Variants in RORA observed in about 807,000 individuals in gnomAD.
RORA encodes RAR related orphan receptor A, also known as nuclear receptor ROR-alpha.
A neutral mutation model predicts 69.5 loss-of-function variants in RORA; 7 were observed. The ratio of observed to expected loss-of-function variants is 0.10; its 90% CI spans 0.06 to 0.19. RORA has a LOEUF of 0.19. Ranked by LOEUF, RORA falls within the 10% of genes least tolerant of loss-of-function variation. The pLI, the probability that RORA is intolerant of heterozygous loss-of-function variation, is 1.00. For synonymous variants in RORA, 261 were observed against 240.8 expected (o/e 1.08, Z -0.78); for missense variants, 457 against 663.0 (o/e 0.69, Z 3.41).
chr15:60,699,321 T>C lies in RORA; in HGVS notation c.167-20635A>G, dbSNP rs2070949525. Among the ~76,000 whole-genome samples, 3 of 152,312 alleles carry C rather than the reference T, an allele frequency of 2.0e-5. No individual in the cohort carries two copies. In the South Asian group the frequency reaches 6.2e-4, roughly 32 times the overall value. On this transcript the variant is annotated intron_variant, in intron 1 of 10. Coordinates refer to ENST00000335670, the MANE Select transcript of RORA (RefSeq NM_134261.3). ...TTTATGTTTAATTTAAAAATTCAAA[T>C]AAAATTATCTAAATATACTTTTTTC...
At chr15:60,514,549 A>T in intron 4 of RORA, 67 bp downstream of exon 4, 1 of 1,507,046 alleles carries the variant, frequency 6.6e-7, no homozygotes, top group Non-Finnish European at 9.2e-7. Context: ...GGCAGATCTG[A>T]GTCCAGGTTT....
rs1445393192 is a variant in RORA, at chr15:60,852,030, C to T, written c.167-173344G>A. ...ACTGAGCGAGCTGGGGAACAAGCAA[C>T]ACTATTGTGACTTTTTCCAATTTCA... On this transcript the variant is annotated intron_variant, in intron 1 of 10. Coordinates refer to ENST00000335670, the MANE Select transcript of RORA (RefSeq NM_134261.3). 3.3e-5 allele frequency among the ~76,000 whole-genome samples: 5 copies of T among 152,188 alleles called. 1 individual carries two copies. Among genetic ancestry groups the T allele is most frequent in the Admixed American group, 2.0e-4 (3 of 15,280 alleles).
intron 1 of RORA, among the ~76,000 whole-genome samples, chr15:60,761,761 T>C (rs2071896653): frequency 6.6e-6 from 1 of 152,152 alleles, no homozygotes; most frequent in Admixed American, 6.5e-5. Flanking sequence ...TATATGAGAA[T>C]TTTGGTCTGA....
At chr15:61,010,128 T>G (rs2140393062) in intron 1 of RORA, among the ~76,000 whole-genome samples, 1 of 152,336 alleles carries the variant, frequency 6.6e-6, no homozygotes, top group Non-Finnish European at 1.5e-5. Flanking sequence ...TAACTATTCC[T>G]TGTCAGATGG....
At chr15:60,887,804 G>A (rs948495277) in intron 1 of RORA, among the ~76,000 whole-genome samples, 2 of 152,092 alleles carry the variant, frequency 1.3e-5, no homozygotes, top group African/African-American at 4.8e-5. Flanking sequence ...ACCTTGCTGC[G>A]GGCATCAGCA....
chr15:60,728,069 C>T (rs546696310), intron 1 of RORA, among the ~76,000 whole-genome samples: 38 of 152,278 alleles, frequency 2.5e-4, no homozygotes, highest in African/African-American at 7.7e-4. Context: ...ATCAAAAGAA[C>T]GAATGCCAAA....
At position 61,173,757 on chromosome 15, in the gene RORA, G is replaced by C. The variant is rs545193883; in HGVS notation, c.166+55296C>G. On this transcript the variant is annotated intron_variant, in intron 1 of 10. Coordinates refer to ENST00000335670, the MANE Select transcript of RORA (RefSeq NM_134261.3). The stretch of plus-strand genomic sequence containing the variant: ...TGCGACCTCAACCTCCCAGATTCAA[G>C]AGATCCTCACACCTCAGCCTCCCGA... Among the ~76,000 whole-genome samples, 3 of 152,326 alleles carry C rather than the reference G, an allele frequency of 2.0e-5. No homozygotes were observed. The South Asian group carries it at 6.2e-4, about 32-fold the overall frequency.
chr15:60,645,357 G>GA (rs199650107), intron 2 of RORA, among the ~76,000 whole-genome samples: 5 of 148,446 alleles, frequency 3.4e-5, no homozygotes, highest in East Asian at 3.9e-4. Flanking sequence ...TGGCTATGAT[G>GA]AAAAAAAAAT....
Position 60,678,658 on chromosome 15 carries a change from T to C in RORA, c.195A>G (p.Thr65=). 2.5e-6 allele frequency: 4 copies of C among 1,611,260 alleles called. No individual in the cohort carries two copies. The highest frequency in any genetic ancestry group is 2.2e-5 in the East Asian group (1 of 44,860). The change falls in exon 2 of 11, where the codon ACA becomes ACG. Residue 65 remains threonine, a splice_region_variant and synonymous_variant. Coordinates refer to ENST00000335670, the MANE Select transcript of RORA (RefSeq NM_134261.3). The part of the protein sequence containing the change: ...RGISVTKKTH[T]SQIEIIPCKI... ...ACAGAAAAAAAATGCATTACTTACA[T>C]GTATGTGTCTTCTTCGTTACTGAGA...
chr15:60,845,036 A>AGTGTGTGT (rs3053882), intron 1 of RORA, among the ~76,000 whole-genome samples: 2 of 151,232 alleles, frequency 1.3e-5, no homozygotes, highest in East Asian at 3.9e-4. Flanking sequence ...CCAGTGTGTG[A>AGTGTGTGT]GTGTGTGTGT....
chr15:61,072,496 C>G (rs971858394), intron 1 of RORA, among the ~76,000 whole-genome samples: 1 of 152,054 alleles, frequency 6.6e-6, no homozygotes, highest in African/African-American at 2.4e-5. Context: ...ATCATCTGTC[C>G]CAAGAACTAC....
intron 1 of RORA, among the ~76,000 whole-genome samples, chr15:61,209,693 A>C (rs1284334226): frequency 6.6e-6 from 1 of 152,220 alleles, no homozygotes; most frequent in Non-Finnish European, 1.5e-5. Context: ...AAGACAGCCA[A>C]ATACTTTACT....
chr15:60,717,721 G>A (rs529716731), intron 1 of RORA, among the ~76,000 whole-genome samples: 1 of 151,422 alleles, frequency 6.6e-6, no homozygotes, highest in South Asian at 2.1e-4. Flanking sequence ...TCCCAGATTA[G>A]CTAGAGTTTA....
intron 1 of RORA, among the ~76,000 whole-genome samples, chr15:60,922,420 G>T (rs999215238): frequency 3.9e-5 from 6 of 152,156 alleles, no homozygotes; most frequent in Non-Finnish European, 8.8e-5. Context: ...GGGGTATGTG[G>T]AAGCTCTTTG....
chr15:60,588,625 T>G (rs180932038), intron 2 of RORA, among the ~76,000 whole-genome samples: 86 of 152,338 alleles, frequency 5.6e-4, no homozygotes, highest in African/African-American at 1.9e-3. Context: ...GTGTCTCACT[T>G]GAGTGGGAGG....
At chr15:60,878,549 C>T (rs968434257) in intron 1 of RORA, among the ~76,000 whole-genome samples, 2 of 152,106 alleles carry the variant, frequency 1.3e-5, no homozygotes, top group African/African-American at 4.8e-5. Flanking sequence ...TTTTGAGGCT[C>T]CGCCTGCTCG....
intron 1 of RORA, among the ~76,000 whole-genome samples, chr15:60,727,475 G>C (rs899193098): frequency 6.6e-5 from 10 of 152,218 alleles, no homozygotes; most frequent in African/African-American, 2.2e-4. Context: ...TCCACAATAA[G>C]AGCCTCACAT....
At position 60,497,520 on chromosome 15, in the gene RORA, A is replaced by G. The variant is rs771294661; in HGVS notation, c.1507T>C (p.Phe503Leu). The G allele has an allele frequency of 2.5e-6, 4 of 1,614,128 alleles. No homozygotes were observed. In the South Asian group the frequency reaches 4.4e-5, roughly 18 times the overall value. The stretch of plus-strand genomic sequence containing the variant: ...AACAACTCCTTGTATAATGGAGGAA[A>G]ATGAAGTCGCACAATGTCTGGGTAT... ...AIYPDIVRLH[F>L]PPLYKELFTS... The change falls in exon 11 of 11, where the codon TTT becomes CTT. Residue 503 changes from phenylalanine to leucine, a missense_variant. Transcript: ENST00000335670.
intron 1 of RORA, among the ~76,000 whole-genome samples, chr15:60,778,315 T>G (rs2072204415): frequency 6.6e-6 from 1 of 150,786 alleles, no homozygotes; most frequent in Admixed American, 6.6e-5. Context: ...TTTTTTCCCA[T>G]GCAAAAGGAC....
Sources: gnomAD v4.1 joint callset for allele counts (sites outside exome capture counted in the v4.1 genomes callset) on GRCh38, gnomAD v4.1.1 for gene constraint, MANE v1.5 for transcripts, NCBI Gene and HGNC (gene_info 2026-07-23, HGNC 2026-07-21) for gene names.